Variants in CAMK1 observed in about 807,000 individuals in gnomAD.
The protein encoded by CAMK1 is calcium/calmodulin-dependent protein kinase type 1.
A neutral mutation model predicts 49.1 loss-of-function variants in CAMK1; 39 were observed. The observed-to-expected ratio is 0.79, with a 90% CI of 0.62 to 1.04. CAMK1 has a LOEUF of 1.04. Ranked by LOEUF, CAMK1 falls within the 50% of genes least tolerant of loss-of-function variation. The pLI is 0.00. For missense variants in CAMK1, 457 were observed against 472.2 expected (o/e 0.97, Z 0.30); for synonymous variants, 192 against 185.2 (o/e 1.04, Z -0.30).
intron 1 of CAMK1, among the ~76,000 whole-genome samples, chr3:9,768,857 C>T (rs13084184): frequency 0.22 from 33,825 of 152,014 alleles, 4,187 homozygotes; most frequent in East Asian, 0.56. Flanking sequence ...CCCAGGGGAC[C>T]CTGCCCACCC....
chr3:9,761,507 T>C lies in CAMK1; in HGVS notation c.586A>G (p.Ser196Gly). Residue 196 changes from serine (S) to glycine (G), a missense_variant, in exon 7 of 12, where the codon AGC becomes GGC. Ser to Gly is a moderately conservative substitution (Grantham distance 56). Coordinates refer to ENST00000256460, the MANE Select transcript of CAMK1 (RefSeq NM_003656.5). ...APEVLAQKPY[S>G]KAVDCWSIGV... ...ATGGACCAGCAATCCACAGCCTTGC[T>C]GTAGGGCTTCTGGGCCAGGACTTCA... 2.5e-6 allele frequency: 4 copies of C among 1,613,668 alleles called. No individual in the cohort carries two copies. The highest frequency in any genetic ancestry group is 3.4e-6 in the Non-Finnish European group (4 of 1,179,748).
rs2077651804 is a variant in CAMK1 at position 9,757,728 on chromosome 3, C to A, written c.1030+1G>T. ...GCCCTTCTGCAGAGCCCGCTCCTCACCCCCAGCCACTGGTGTCAGCAGCTC... is the reference window on the plus strand; with the variant it reads ...GCCCTTCTGCAGAGCCCGCTCCTCAACCCCAGCCACTGGTGTCAGCAGCTC... On this transcript the variant is annotated splice_donor_variant, in intron 11 of 11. Transcript: ENST00000256460. LOFTEE classifies it high-confidence loss of function. This position sits in a 1 kb window ranked among gnomAD's most constrained non-coding sequence, Gnocchi z 4.5. The A allele has an allele frequency of 2.5e-6, 4 of 1,614,122 alleles. No individual in the cohort carries two copies. The highest frequency in any genetic ancestry group is 4.5e-5 in the East Asian group (2 of 44,882).
In CAMK1 at chr3:9,760,668, T is replaced by C; in HGVS notation, c.733A>G (p.Ile245Val). The C allele has an allele frequency of 6.2e-7, 1 of 1,613,824 alleles. No individual in the cohort carries two copies. Among genetic ancestry groups the C allele is most frequent in the Non-Finnish European group, 8.5e-7 (1 of 1,179,888 alleles). ...YEFDSPYWDD[I>V]SDSAKDFIRH... The stretch of plus-strand genomic sequence containing the variant: ...AAGCCCCAAATACCAGAGTCAGAGA[T>C]GTCGTCCCAGTAAGGAGAGTCAAAC... The change falls in exon 8 of 12, where the codon ATC (isoleucine) becomes GTC (valine). Residue 245 changes from isoleucine (I) to valine (V), a missense_variant. By Grantham distance (29) the Ile-to-Val change is conservative. Coordinates refer to ENST00000256460, the MANE Select transcript of CAMK1 (RefSeq NM_003656.5).
In CAMK1 at chr3:9,760,789, C is replaced by T. The variant is rs746977343; in HGVS notation, c.633-21G>A. The T allele has an allele frequency of 2.5e-6, 4 of 1,613,612 alleles. No homozygotes were observed. In the African/African-American group the frequency reaches 5.3e-5, roughly 22 times the overall value. On this transcript the variant is annotated intron_variant, in intron 7 of 11. Transcript: ENST00000256460. ...AGAGCCTGGGCAGGGAGAAACTCAT[C>T]CTCATTTCCACTTTCGGGTGCCGTT... is the stretch of plus-strand genomic sequence containing the variant.
intron 8 of CAMK1, 119 bp downstream of exon 8, chr3:9,760,537 G>A (rs1173385229): frequency 3.0e-6 from 3 of 988,180 alleles, no homozygotes; most frequent in Non-Finnish European, 4.8e-6. Flanking sequence ...CTCGAAGACA[G>A]CTCTTTGTGT....
intron 1 of CAMK1, 141 bp from the exon 2 acceptor site, chr3:9,767,922 A>G (rs2078200157): frequency 1.6e-6 from 2 of 1,252,880 alleles, no homozygotes; most frequent in African/African-American, 3.0e-5. Flanking sequence ...ACAAACATTC[A>G]TTTGTTTATT....
At position 9,757,484 on chromosome 3, in the gene CAMK1, G is replaced by T; in HGVS notation, c.*55C>A. 6.2e-7 allele frequency: 1 copy of T among 1,603,294 alleles called. No individual in the cohort carries two copies. The stretch of plus-strand genomic sequence containing the variant: ...CTCCCGGTTCAGGGAGGGAAGGGGA[G>T]CAGGCTGCCCCCAAGCCCTCCCACG... On this transcript the variant is annotated 3_prime_UTR_variant, in exon 12 of 12. Coordinates refer to ENST00000256460, the MANE Select transcript of CAMK1 (RefSeq NM_003656.5). This position sits in a 1 kb window ranked among gnomAD's most constrained non-coding sequence, Gnocchi z 4.5.
chr3:9,761,497 A>C lies in CAMK1; in HGVS notation c.596T>G (p.Val199Gly). The C allele has an allele frequency of 6.2e-7, 1 of 1,613,492 alleles. No homozygotes were observed. The highest frequency in any genetic ancestry group is 8.5e-7 in the Non-Finnish European group (1 of 1,179,668). ...GATGACACCTATGGACCAGCAATCC[A>C]CAGCCTTGCTGTAGGGCTTCTGGGC... Reference protein sequence around the residue: ...VLAQKPYSKAVDCWSIGVIAY... With the variant: ...VLAQKPYSKAGDCWSIGVIAY... The change falls in exon 7 of 12, where the codon GTG (valine) becomes GGG (glycine). Residue 199 changes from valine (V) to glycine (G), a missense_variant. Val to Gly is a moderately radical substitution (Grantham distance 109). Coordinates refer to ENST00000256460, the MANE Select transcript of CAMK1 (RefSeq NM_003656.5).
Position 9,759,297 on chromosome 3 carries a change from C to T in CAMK1, c.912+191G>A, listed in dbSNP as rs745955867. 9 of 1,596,378 alleles carry T rather than the reference C, an allele frequency of 5.6e-6. No homozygotes were observed. In the South Asian group the frequency reaches 7.7e-5, roughly 14 times the overall value. On this transcript the variant is annotated intron_variant, in intron 10 of 11. Transcript: ENST00000256460. ...CCTCTAGACTTGGAGGTGAGGGACC[C>T]TCTCTGGAATAGAGAAGGTGTTGGG... is the stretch of plus-strand genomic sequence containing the variant.
chr3:9,765,992 G>A lies in CAMK1; in HGVS notation c.84-102C>T. 1.9e-6 allele frequency: 3 copies of A among 1,614,180 alleles called. No individual in the cohort carries two copies. The South Asian group carries it at 3.3e-5, about 18-fold the overall frequency. On this transcript the variant is annotated intron_variant, in intron 2 of 11. Transcript: ENST00000256460. ...GTTCTGTGACCACTGCTGGACCAAG[G>A]ACGTGGATGACCCTCCCCTAGTCAC...
intron 8 of CAMK1, chr3:9,760,262 A>T (rs1436888015): frequency 5.3e-6 from 1 of 187,394 alleles, no homozygotes; most frequent in Non-Finnish European, 1.1e-5. Flanking sequence ...AGAAAAAAAA[A>T]AAAAAGTTGT....
intron 3 of CAMK1, among the ~76,000 whole-genome samples, chr3:9,764,616 TGTTTTTTTTTTG>T (rs2078054703): frequency 7.7e-6 from 1 of 130,500 alleles, no homozygotes; most frequent in Non-Finnish European, 1.6e-5. Context: ...CTGGCGTTTT[TGTTTTTTTTTTG>T]TTTTTTTTTT....
intron 3 of CAMK1, among the ~76,000 whole-genome samples, chr3:9,763,455 C>G (rs571374494): frequency 1.1e-4 from 17 of 151,856 alleles, no homozygotes; most frequent in Non-Finnish European, 1.9e-4. Context: ...GCTCAGCCAC[C>G]CCCAACCCCC....
At chr3:9,761,411 C>T (rs565634399) in intron 7 of CAMK1, 50 bp downstream of exon 7, 41 of 1,560,222 alleles carry the variant, frequency 2.6e-5, no homozygotes, top group Middle Eastern at 4.4e-4. Flanking sequence ...GGAAAGTAGG[C>T]GAGAGGACAA....
At position 9,759,106 on chromosome 3, in the gene CAMK1, G is replaced by T. The variant is rs560427435; in HGVS notation, c.912+382C>A. 6.8e-6 allele frequency: 8 copies of T among 1,172,952 alleles called. No homozygotes were observed. In the South Asian group the frequency reaches 7.3e-5, roughly 11 times the overall value. 72.7% of individuals were successfully genotyped at this position (1,172,952 alleles called of 1,614,324 possible). On this transcript the variant is annotated intron_variant, in intron 10 of 11. Coordinates refer to ENST00000256460, the MANE Select transcript of CAMK1 (RefSeq NM_003656.5). ...CAGTCCCCTCAGCCCCTCCAGTCTG[G>T]CCAGGCTTAGCACTTGCACTTCCCG...
At chr3:9,759,256 G>T in intron 10 of CAMK1, 1 of 1,614,128 alleles carries the variant, frequency 6.2e-7, no homozygotes, top group Non-Finnish European at 8.5e-7. Context: ...GCCTCCTGAA[G>T]AATTACAGAC....
In CAMK1 at chr3:9,760,656, CAG is replaced by C; in HGVS notation, c.743_744del (p.Ser248CysfsTer20). 6.2e-7 allele frequency: 1 copy of C among 1,613,846 alleles called. No homozygotes were observed. On this transcript the variant is annotated frameshift_variant and splice_region_variant, in exon 8 of 12. Transcript: ENST00000256460. LOFTEE classifies it high-confidence loss of function. ...GGGAAAAAAGCAAAGCCCCAAATAC[CAG>C]AGTCAGAGATGTCGTCCCAGTAAGG... ...DSPYWDDISDSAKDFIRHLME... is the reference protein window; with the variant it reads ...DSPYWDDISDXAKDFIRHLME...
intron 10 of CAMK1, chr3:9,759,227 C>G (rs1280508656): frequency 1.2e-6 from 2 of 1,614,154 alleles, no homozygotes; most frequent in East Asian, 4.5e-5. Flanking sequence ...TTTCTCGGAC[C>G]CCATAGGCTG....
chr3:9,764,628 GTT>G (rs55972033), intron 3 of CAMK1, among the ~76,000 whole-genome samples: 116 of 92,326 alleles, frequency 1.3e-3, no homozygotes, highest in African/African-American at 3.6e-3. Context: ...TTTTTTTTTT[GTT>G]TTTTTTTTTT....
Sources: allele counts gnomAD v4.1 joint callset (sites outside exome capture counted in the v4.1 genomes callset), GRCh38; gene constraint gnomAD v4.1.1; non-coding constraint Gnocchi (gnomAD v3.1); transcripts MANE v1.5; gene names NCBI Gene and HGNC (gene_info 2026-07-23, HGNC 2026-07-21).